STIL: variants seen among roughly 807,000 people sequenced by gnomAD.
The protein encoded by STIL is SCL-interrupting locus protein.
In STIL, 55 loss-of-function variants were observed where a neutral mutation model predicts 110.1. The ratio of observed to expected loss-of-function variants is 0.50; its 90% CI spans 0.40 to 0.63. The LOEUF is 0.63. STIL is among the 20% of genes least tolerant of loss of function. The pLI, the probability that STIL is intolerant of heterozygous loss-of-function variation, is 0.00. For missense variants in STIL, 1,358 were observed against 1,530.0 expected (o/e 0.89, Z 1.87); for synonymous variants, 481 against 530.0 (o/e 0.91, Z 1.27).
At chr1:47,269,953 T>C (rs1347072601) in intron 13 of STIL, 87 bp from the exon 14 acceptor site, 4 of 1,284,436 alleles carry the variant, frequency 3.1e-6, no homozygotes, top group Non-Finnish European at 4.5e-6. Context: ...AATAGCCATA[T>C]TGGCTGGGTG....
At position 47,263,118 on chromosome 1, in the gene STIL, T is replaced by G; in HGVS notation, c.2616-2A>C. ...TTTCTCACAACTAGAGAAGAGCTGC[T>G]GGGAAGGATATATAATGTGTTAGTC... is the stretch of plus-strand genomic sequence containing the variant. On this transcript the variant is annotated splice_acceptor_variant, in intron 14 of 16. Coordinates refer to ENST00000371877, the MANE Select transcript of STIL (RefSeq NM_001048166.1). LOFTEE classifies it high-confidence loss of function. 6.2e-7 allele frequency: 1 copy of G among 1,613,558 alleles called. No individual in the cohort carries two copies.
chr1:47,255,792 A>T (rs1644312713), intron 16 of STIL, among the ~76,000 whole-genome samples: 1 of 152,156 alleles, frequency 6.6e-6, no homozygotes, highest in South Asian at 2.1e-4. Flanking sequence ...CACAATTTCT[A>T]GGTTTGTCTG....
chr1:47,285,962 C>T (rs1645285731), intron 10 of STIL, among the ~76,000 whole-genome samples: 1 of 151,918 alleles, frequency 6.6e-6, no homozygotes, highest in South Asian at 2.1e-4. Context: ...GCAACCTCTG[C>T]CTCCCGGGTT....
Position 47,287,561 on chromosome 1 carries a change from A to G in STIL, c.1123T>C (p.Ser375Pro). ...AAAAAGATCTTTTACCTCTTAATTG[A>G]AAAATTCTTGGAAGCCTTACTGAAA... The part of the protein sequence containing the change: ...EFFSKASKNF[S>P]IKRSSQKLSS... Residue 375 changes from serine to proline, a missense_variant, in exon 10 of 17, where the codon TCA becomes CCA. Ser to Pro is a moderately conservative substitution (Grantham distance 74). Transcript: ENST00000371877. 4.3e-6 allele frequency: 7 copies of G among 1,609,814 alleles called. No homozygotes were observed. Among genetic ancestry groups the G allele is most frequent in the Non-Finnish European group, 5.1e-6 (6 of 1,177,962 alleles).
chr1:47,311,489 G>A (rs1181659660), intron 1 of STIL, among the ~76,000 whole-genome samples: 2 of 151,408 alleles, frequency 1.3e-5, no homozygotes, highest in South Asian at 2.1e-4. Flanking sequence ...GTTTCATCAC[G>A]TTGCCCAGGC....
intron 10 of STIL, 150 bp from the exon 11 acceptor site, chr1:47,282,609 G>A: frequency 1.6e-6 from 1 of 620,256 alleles, no homozygotes; most frequent in South Asian, 1.8e-5. Flanking sequence ...TATTTTTCAG[G>A]CCAGTGTTAG....
At chr1:47,290,958 T>C (rs1645468497) in intron 8 of STIL, among the ~76,000 whole-genome samples, 1 of 152,176 alleles carries the variant, frequency 6.6e-6, no homozygotes, top group African/African-American at 2.4e-5. Flanking sequence ...ACGTGTTGTT[T>C]CACCCAGAGC....
In STIL at chr1:47,302,275, T is replaced by C. The variant is rs748241908; in HGVS notation, c.224A>G (p.Asn75Ser). ...AGAACCAAGTAAAAAGCATGACGAATTTTTTTTATTCTGCTTAGCATGACG... is the reference window on the plus strand; with the variant it reads ...AGAACCAAGTAAAAAGCATGACGAACTTTTTTTATTCTGCTTAGCATGACG... ...AYRHAKQNKK[N>S]SSCFLLGSLT... The change falls in exon 4 of 17, where the codon AAT becomes AGT. Residue 75 changes from asparagine to serine, a missense_variant. Physicochemically the swap from Asn to Ser is conservative, Grantham distance 46 (BLOSUM62 1). Coordinates refer to ENST00000371877, the MANE Select transcript of STIL (RefSeq NM_001048166.1). The C allele has an allele frequency of 6.2e-7, 1 of 1,606,642 alleles. No homozygotes were observed. Among genetic ancestry groups the C allele is most frequent in the Non-Finnish European group, 8.5e-7 (1 of 1,174,886 alleles).
intron 5 of STIL, among the ~76,000 whole-genome samples, chr1:47,300,913 T>C (rs1040262070): frequency 8.5e-5 from 13 of 152,216 alleles, no homozygotes; most frequent in African/African-American, 3.1e-4. Context: ...CATTGTACTA[T>C]AGGTTAATAC....
intron 1 of STIL, among the ~76,000 whole-genome samples, chr1:47,313,509 C>T (rs567175107): frequency 2.0e-4 from 31 of 152,186 alleles, no homozygotes; most frequent in Middle Eastern, 3.4e-3. Context: ...GCACAGGATG[C>T]CTCCCTTAAC....
chr1:47,304,783 G>T, intron 3 of STIL, 106 bp downstream of exon 3: 1 of 909,554 alleles, frequency 1.1e-6, no homozygotes, highest in Non-Finnish European at 1.7e-6. Context: ...TAAAAGAAAA[G>T]TAAAGAAAAA....
chr1:47,295,336 T>C (rs1448221311), intron 7 of STIL, among the ~76,000 whole-genome samples: 1 of 151,924 alleles, frequency 6.6e-6, no homozygotes, highest in South Asian at 2.1e-4. Context: ...TCCAAGCACT[T>C]TGGGAGGCTG....
At chr1:47,300,240 T>A in intron 5 of STIL, 88 bp from the exon 6 acceptor site, 1 of 1,248,080 alleles carries the variant, frequency 8.0e-7, no homozygotes, top group South Asian at 1.4e-5. Flanking sequence ...CATATACATA[T>A]ATAATATCTT....
At chr1:47,264,052 C>T (rs1026962376) in intron 14 of STIL, among the ~76,000 whole-genome samples, 1 of 152,106 alleles carries the variant, frequency 6.6e-6, no homozygotes, top group Admixed American at 6.6e-5. Context: ...TGCACCTGGC[C>T]TCAAGGATTT....
intron 7 of STIL, among the ~76,000 whole-genome samples, chr1:47,293,869 T>C (rs1265319429): frequency 1.3e-5 from 2 of 152,172 alleles, no homozygotes; most frequent in African/African-American, 2.4e-5. Flanking sequence ...GAAAGCAGTA[T>C]ACTAGAATGA....
chr1:47,268,712 C>G (rs1018939021), intron 14 of STIL, among the ~76,000 whole-genome samples: 41 of 150,990 alleles, frequency 2.7e-4, no homozygotes, highest in Admixed American at 1.5e-3. Flanking sequence ...GAGTCAAGAT[C>G]GCACCATTGC....
intron 12 of STIL, among the ~76,000 whole-genome samples, chr1:47,272,512 A>G (rs574899890): frequency 3.3e-5 from 5 of 151,794 alleles, no homozygotes; most frequent in African/African-American, 1.2e-4. Context: ...GCCGTGGTGC[A>G]ATCATGGCTT....
At chr1:47,308,683 G>A (rs961836255) in intron 2 of STIL, among the ~76,000 whole-genome samples, 4 of 151,922 alleles carry the variant, frequency 2.6e-5, no homozygotes, top group African/African-American at 9.6e-5. Flanking sequence ...CAGAAAGAAT[G>A]ATTAAGACCT....
rs1218590795 is a variant in STIL, at chr1:47,300,032, C to G, written c.574G>C (p.Ala192Pro). ...TTAAAGTTATTTGCTAGAGTTACTGCTGCCCAATGCAAGTCAAATTCCACA... is the reference window on the plus strand; with the variant it reads ...TTAAAGTTATTTGCTAGAGTTACTGGTGCCCAATGCAAGTCAAATTCCACA... ...DSVEFDLHWAAVTLANNFKCT... is the reference protein window; with the variant it reads ...DSVEFDLHWAPVTLANNFKCT... Residue 192 changes from alanine to proline, a missense_variant, in exon 6 of 17, where the codon GCA (alanine) becomes CCA (proline). By Grantham distance (27) the Ala-to-Pro change is conservative. Transcript: ENST00000371877. 1 of 1,614,026 alleles carries G rather than the reference C, an allele frequency of 6.2e-7. No homozygotes were observed. The highest frequency in any genetic ancestry group is 8.5e-7 in the Non-Finnish European group (1 of 1,180,022).
Sources: allele counts gnomAD v4.1 joint callset (sites outside exome capture counted in the v4.1 genomes callset), GRCh38; gene constraint gnomAD v4.1.1; transcripts MANE v1.5; gene names NCBI Gene and HGNC (gene_info 2026-07-23, HGNC 2026-07-21).